The following NTAQ1 variants were observed in gnomAD, a reference collection of about 807,000 sequenced individuals.
NTAQ1 encodes N-terminal glutamine amidase 1, also known as protein N-terminal glutamine amidohydrolase.
NTAQ1 carries 21 observed loss-of-function variants against 28.2 expected under a neutral mutation model. That is an observed-to-expected ratio of 0.74 (90% confidence interval 0.53 to 1.07). The LOEUF (loss-of-function observed/expected upper bound fraction) is 1.07. Among genes scored for constraint, NTAQ1 ranks in the 50% least tolerant of loss-of-function variants. The pLI, the probability that NTAQ1 is intolerant of heterozygous loss-of-function variation, is 0.00. For missense variants in NTAQ1, 264 were observed against 256.6 expected (o/e 1.03, Z -0.20); for synonymous variants, 105 against 90.0 (o/e 1.17, Z -0.94).
downstream of NTAQ1, among the ~76,000 whole-genome samples, chr8:123,474,955 A>G (rs1364871018): frequency 6.6e-6 from 1 of 152,188 alleles, no homozygotes. Context: ...TAGTTTTAGC[A>G]TCTATGGATG....
chr8:123,425,179 C>CCTCCTGGTTTCAAGCGATT (rs1224211213), intron 1 of NTAQ1, among the ~76,000 whole-genome samples: 5 of 152,048 alleles, frequency 3.3e-5, no homozygotes, highest in Non-Finnish European at 7.4e-5. Flanking sequence ...GCAACCTCCG[C>CCTCCTGGTTTCAAGCGATT]CTCCTGGTTT....
chr8:123,443,513 T>C (rs780698021), downstream of NTAQ1, among the ~76,000 whole-genome samples: 1 of 152,230 alleles, frequency 6.6e-6, no homozygotes, highest in Non-Finnish European at 1.5e-5. Context: ...AGAAGTCTCA[T>C]GGGCTCAGCC....
Position 123,428,002 on chromosome 8 carries a change from C to T in NTAQ1, c.162C>T (p.Phe54=). The stretch of plus-strand genomic sequence containing the variant: ...CTTTAGAAGAATGTTATGCTGTCTT[C>T]ATATCTAATGAGAGGAAGATGGTAA... The part of the protein sequence containing the change: ...QYPLEECYAV[F]ISNERKMIPI... The change falls in exon 2 of 6, where the codon TTC becomes TTT. Residue 54 remains phenylalanine (F), a synonymous_variant. Coordinates refer to ENST00000287387, the MANE Select transcript of NTAQ1 (RefSeq NM_018024.3). 8.7e-6 allele frequency: 14 copies of T among 1,608,464 alleles called. No homozygotes were observed. Among genetic ancestry groups the T allele is most frequent in the East Asian group, 2.2e-5 (1 of 44,756 alleles).
downstream of NTAQ1, among the ~76,000 whole-genome samples, chr8:123,451,314 C>T (rs1341491736): frequency 1.3e-5 from 2 of 152,140 alleles, no homozygotes; most frequent in African/African-American, 4.8e-5. Flanking sequence ...AATGATCTTG[C>T]ACACTTATTT....
Position 123,436,551 on chromosome 8 carries a change from T to C in NTAQ1, c.333T>C (p.Tyr111=), listed in dbSNP as rs763678335. The change falls in exon 4 of 6, where the codon TAT becomes TAC. Residue 111 remains tyrosine (Y), a synonymous_variant. Transcript: ENST00000287387. The part of the protein sequence containing the change: ...VLPFPCLFDT[Y]VEDAFKSDDD... ...CATTTCCCTGCCTCTTTGACACTTA[T>C]GTAGAAGATGCCTTTAAGTCTGATG... 36 of 1,613,974 alleles carry C rather than the reference T, an allele frequency of 2.2e-5. No homozygotes were observed. Among genetic ancestry groups the C allele is most frequent in the South Asian group, 2.2e-5 (2 of 91,088 alleles).
At chr8:123,468,717 T>A (rs1028484157) in exon 7 of NTAQ1, among the ~76,000 whole-genome samples, 2 of 152,248 alleles carry the variant, frequency 1.3e-5, no homozygotes, top group Non-Finnish European at 2.9e-5. Flanking sequence ...TTTGGATATA[T>A]ATCAAGGAAT....
chr8:123,445,466 CT>C, downstream of NTAQ1, among the ~76,000 whole-genome samples: 1 of 151,764 alleles, frequency 6.6e-6, no homozygotes. Context: ...ACATTGTATT[CT>C]GCGATACATA....
chr8:123,420,706 C>A (rs1813627928), intron 1 of NTAQ1, among the ~76,000 whole-genome samples: 1 of 150,872 alleles, frequency 6.6e-6, no homozygotes, highest in African/African-American at 2.4e-5. Context: ...GATCCTCTCA[C>A]CTCAGCTTCC....
At chr8:123,429,257 A>G (rs1486392308) in intron 2 of NTAQ1, among the ~76,000 whole-genome samples, 1 of 151,746 alleles carries the variant, frequency 6.6e-6, no homozygotes, top group Non-Finnish European at 1.5e-5. Context: ...ATCCCTTTTC[A>G]CTCTCCAAAG....
rs1169242327 is a variant in NTAQ1, at chr8:123,433,924, G to GAT, written c.235-2528_235-2527dup. The stretch of plus-strand genomic sequence containing the variant: ...TTAAAACATTATGAAATTTTTTTGT[G>GAT]ATTTTTTTTTTTTTTAGCTTATCAG... On this transcript the variant is annotated intron_variant, in intron 3 of 5. Transcript: ENST00000287387. 1.2e-4 allele frequency among the ~76,000 whole-genome samples: 5 copies of GAT among 43,098 alleles called. No individual in the cohort carries two copies. In the Admixed American group the frequency reaches 1.3e-3, roughly 11 times the overall value. The allele number at this position is 43,098 out of a possible 152,430, so 28.3% of individuals were successfully genotyped here. A position where few individuals can be genotyped will look rare whatever the true frequency, so the allele number is the denominator to read the frequency against.
chr8:123,430,177 G>A, intron 3 of NTAQ1, 144 bp downstream of exon 3: 2 of 503,864 alleles, frequency 4.0e-6, no homozygotes. Flanking sequence ...GAGAATAGAT[G>A]TTATTTGATC....
chr8:123,463,627 A>C (rs1815891620), intron 6 of NTAQ1, among the ~76,000 whole-genome samples: 1 of 152,246 alleles, frequency 6.6e-6, no homozygotes, highest in Non-Finnish European at 1.5e-5. Context: ...TACAGAATTC[A>C]TCAAGTGTCA....
intron 6 of NTAQ1, among the ~76,000 whole-genome samples, chr8:123,456,210 AC>A (rs1222797318): frequency 4.6e-5 from 7 of 151,962 alleles, no homozygotes; most frequent in Admixed American, 4.6e-4. Context: ...TTCTGGATAA[AC>A]CCTTTGTTAA....
At chr8:123,437,771 C>T (rs1814816860) in intron 5 of NTAQ1, among the ~76,000 whole-genome samples, 1 of 151,600 alleles carries the variant, frequency 6.6e-6, no homozygotes, top group African/African-American at 2.4e-5. Flanking sequence ...ATAGGAAATA[C>T]TACTTCTGTG....
chr8:123,449,931 G>GTA (rs1815430857), downstream of NTAQ1, among the ~76,000 whole-genome samples: 4 of 18,002 alleles, frequency 2.2e-4, no homozygotes, highest in African/African-American at 5.1e-4. Flanking sequence ...ATATATATAT[G>GTA]TGTGTGTGTG....
At chr8:123,429,236 T>G (rs2130231196) in intron 2 of NTAQ1, among the ~76,000 whole-genome samples, 1 of 152,276 alleles carries the variant, frequency 6.6e-6, no homozygotes, top group South Asian at 2.1e-4. Context: ...GACTTCTGAT[T>G]CCTAGTTCAG....
intron 3 of NTAQ1, among the ~76,000 whole-genome samples, chr8:123,434,464 TAAAAATAC>T (rs1425470823): frequency 6.6e-6 from 1 of 151,948 alleles, no homozygotes; most frequent in Non-Finnish European, 1.5e-5. Flanking sequence ...CCATCTCTAC[TAAAAATAC>T]AAAAATTAGC....
rs1449991851 is a variant in NTAQ1 at position 123,436,581 on chromosome 8, C to T, written c.363C>T (p.Asp121=). The stretch of plus-strand genomic sequence containing the variant: ...AAGATGCCTTTAAGTCTGATGATGA[C>T]ATTCACCCACAGTTTAGGAGGTGAG... ...YVEDAFKSDD[D]IHPQFRRKFR... Residue 121 remains aspartate, a synonymous_variant, in exon 4 of 6, where the codon GAC becomes GAT. Coordinates refer to ENST00000287387, the MANE Select transcript of NTAQ1 (RefSeq NM_018024.3). The T allele has an allele frequency of 1.2e-6, 2 of 1,613,900 alleles. No individual in the cohort carries two copies. Among genetic ancestry groups the T allele is most frequent in the Non-Finnish European group, 1.7e-6 (2 of 1,179,912 alleles).
chr8:123,429,902 GTCTCAAAAAAAAAAAAA>G, intron 2 of NTAQ1, 64 bp from the exon 3 acceptor site: 1 of 659,668 alleles, frequency 1.5e-6, no homozygotes, highest in Non-Finnish European at 2.2e-6. Flanking sequence ...AAAAAATCCC[GTCTCAAAAAAAAAAAAA>G]GGAAAATAAT....
Sources: allele counts gnomAD v4.1 joint callset (sites outside exome capture counted in the v4.1 genomes callset), GRCh38; gene constraint gnomAD v4.1.1; transcripts MANE v1.5; gene names NCBI Gene and HGNC (gene_info 2026-07-23, HGNC 2026-07-21).